AKR1C3: variants seen among roughly 807,000 people sequenced by gnomAD.
AKR1C3 encodes the protein 3-alpha hydroxysteroid dehydrogenase, type II.
AKR1C3 carries 48 observed loss-of-function variants against 43.6 expected under a neutral mutation model. The ratio of observed to expected loss-of-function variants is 1.10; its 90% CI spans 0.87 to 1.40. AKR1C3 has a LOEUF of 1.40. Ranked by LOEUF, AKR1C3 falls within the 40% of genes most tolerant of loss-of-function variation. The pLI is 0.00. For missense variants in AKR1C3, 482 were observed against 391.2 expected (o/e 1.23, Z -1.96); for synonymous variants, 162 against 139.6 (o/e 1.16, Z -1.13).
At chr10:5,097,411 C>T (rs782396026) in intron 2 of AKR1C3, 23 bp from the exon 3 acceptor site, 1 of 1,610,840 alleles carries the variant, frequency 6.2e-7, no homozygotes. Context: ...TTCAAAATCA[C>T]CTCCATTCTT....
intron 1 of AKR1C3, among the ~76,000 whole-genome samples, chr10:5,086,709 C>G (rs1254957694): frequency 6.6e-6 from 1 of 152,148 alleles, no homozygotes; most frequent in African/African-American, 2.4e-5. Context: ...GTGTGGGAAT[C>G]TAAGTCTCTT....
intron 1 of AKR1C3, among the ~76,000 whole-genome samples, chr10:5,083,305 C>T (rs1284506649): frequency 6.6e-6 from 1 of 152,058 alleles, no homozygotes; most frequent in Non-Finnish European, 1.5e-5. Flanking sequence ...TCAATTCCCA[C>T]CTATGAGTGA....
chr10:5,105,694 A>C lies in AKR1C3; in HGVS notation c.929+17A>C. The C allele has an allele frequency of 6.3e-7, 1 of 1,584,232 alleles. No individual in the cohort carries two copies. The highest frequency in any genetic ancestry group is 8.7e-7 in the Non-Finnish European group (1 of 1,154,114). On this transcript the variant is annotated intron_variant, in intron 8 of 8. Coordinates refer to ENST00000380554, the MANE Select transcript of AKR1C3 (RefSeq NM_003739.6). ...CAGTGATAGGTAAGTTTCCTTTGTA[A>C]ATGGGTGATCTAATTTATTTCTGGA...
intron 1 of AKR1C3, among the ~76,000 whole-genome samples, chr10:5,056,009 G>A (rs561819399): frequency 3.9e-5 from 6 of 152,288 alleles, no homozygotes; most frequent in Admixed American, 2.6e-4. Context: ...TTGACCTGCT[G>A]TAGCAAAGCT....
At chr10:5,051,734 G>A (rs1554778951) in intron 1 of AKR1C3, among the ~76,000 whole-genome samples, 3 of 151,940 alleles carry the variant, frequency 2.0e-5, no homozygotes, top group Non-Finnish European at 2.9e-5. Flanking sequence ...CACAGAGGAC[G>A]TCTTTATGCT....
intron 4 of AKR1C3, 150 bp from the exon 5 acceptor site, chr10:5,099,177 T>A (rs1257793297): frequency 5.1e-5 from 69 of 1,340,998 alleles, no homozygotes; most frequent in Non-Finnish European, 7.0e-5. Context: ...TTCCCCTATT[T>A]GCTGTTTGAA....
At chr10:5,106,229 C>G (rs1295113737) in intron 8 of AKR1C3, among the ~76,000 whole-genome samples, 1 of 152,120 alleles carries the variant, frequency 6.6e-6, no homozygotes, top group Non-Finnish European at 1.5e-5. Context: ...CTTTTGCCTC[C>G]AGAAAGCCTT....
intron 1 of AKR1C3, among the ~76,000 whole-genome samples, chr10:5,070,223 T>C (rs75396576): frequency 1.3e-5 from 2 of 152,308 alleles, no homozygotes; most frequent in East Asian, 3.9e-4. Context: ...AAATAAATCC[T>C]AATCTTTGGG....
intron 1 of AKR1C3, among the ~76,000 whole-genome samples, chr10:5,088,838 G>A (rs1333464886): frequency 6.6e-6 from 1 of 151,880 alleles, no homozygotes; most frequent in Non-Finnish European, 1.5e-5. Flanking sequence ...TTTTGTTTCT[G>A]TCATGGTCTT....
In AKR1C3 at chr10:5,102,701, C is replaced by T. The variant is rs36003741; in HGVS notation, c.846+51C>T. 5 of 1,450,014 alleles carry T rather than the reference C, an allele frequency of 3.4e-6. No homozygotes were observed. The South Asian group carries it at 4.4e-5, about 13-fold the overall frequency. 89.8% of individuals were successfully genotyped at this position (1,450,014 alleles called of 1,614,324 possible). A position where few individuals can be genotyped will look rare whatever the true frequency, so the allele number is the denominator to read the frequency against. On this transcript the variant is annotated intron_variant, in intron 7 of 8. Transcript: ENST00000380554. ...GGTCTCCTGCACAGTGTCCTTCACA[C>T]GTGTGCTTCTTGTAAGGCTCTCAGG...
In AKR1C3 at chr10:5,060,472, A is replaced by T. The variant is rs544714030; in HGVS notation, c.84+11577A>T. Among the ~76,000 whole-genome samples the T allele has an allele frequency of 2.0e-3, 312 of 152,306 alleles. 2 individuals carry two copies. The highest frequency in any genetic ancestry group is 6.6e-3 in the African/African-American group (276 of 41,566). ...TTAGATACAGAGTGTCGATTGGTGC[A>T]TTCACAAACCCTGAGTTAGACACAG... is the stretch of plus-strand genomic sequence containing the variant. On this transcript the variant is annotated intron_variant, in intron 1 of 8. Coordinates refer to the AKR1C3 transcript ENST00000439082.
At chr10:5,075,508 T>G (rs1252227092) in intron 1 of AKR1C3, among the ~76,000 whole-genome samples, 1 of 152,084 alleles carries the variant, frequency 6.6e-6, no homozygotes, top group Non-Finnish European at 1.5e-5. Flanking sequence ...CCATAAAGGA[T>G]TGATCTACTG....
intron 1 of AKR1C3, among the ~76,000 whole-genome samples, chr10:5,053,387 C>T (rs181979760): frequency 1.5e-3 from 229 of 152,348 alleles, no homozygotes; most frequent in Non-Finnish European, 2.1e-3. Context: ...GCTGGCCAGC[C>T]GCTCTGAGTG....
chr10:5,105,500 T>C, intron 7 of AKR1C3, 95 bp from the exon 8 acceptor site: 6 of 914,298 alleles, frequency 6.6e-6, no homozygotes, highest in Non-Finnish European at 1.0e-5. Flanking sequence ...AACTTACCAA[T>C]ATTTTAAGTA....
At chr10:5,055,327 A>C (rs1354766279) in intron 1 of AKR1C3, among the ~76,000 whole-genome samples, 2 of 152,220 alleles carry the variant, frequency 1.3e-5, no homozygotes, top group African/African-American at 4.8e-5. Context: ...TTGGTTCCCC[A>C]TCCTCTGGGA....
At chr10:5,093,054 C>G (rs1419172023), upstream of AKR1C3, among the ~76,000 whole-genome samples, 3 of 151,914 alleles carry the variant, frequency 2.0e-5, no homozygotes, top group Non-Finnish European at 2.9e-5. Context: ...CTGTGTGTGC[C>G]CATTAGTAGT....
At chr10:5,097,344 T>C (rs1839229937) in intron 2 of AKR1C3, 90 bp from the exon 3 acceptor site, 2 of 1,479,502 alleles carry the variant, frequency 1.4e-6, no homozygotes, top group Admixed American at 4.3e-5. Flanking sequence ...TTTGAAGCAG[T>C]AGGAAAATAT....
At chr10:5,064,592 C>G (rs1554780595) in intron 1 of AKR1C3, among the ~76,000 whole-genome samples, 1 of 152,154 alleles carries the variant, frequency 6.6e-6, no homozygotes, top group Non-Finnish European at 1.5e-5. Flanking sequence ...AATAAACAGA[C>G]AACCTAAAGA....
At chr10:5,104,086 G>T (rs761652616) in intron 7 of AKR1C3, among the ~76,000 whole-genome samples, 2 of 152,060 alleles carry the variant, frequency 1.3e-5, no homozygotes, top group Non-Finnish European at 2.9e-5. Flanking sequence ...TTTCTCTGTA[G>T]TTATGTATTC....
Sources: allele counts gnomAD v4.1 joint callset (sites outside exome capture counted in the v4.1 genomes callset), GRCh38; gene constraint gnomAD v4.1.1; transcripts MANE v1.5; gene names NCBI Gene and HGNC (gene_info 2026-07-23, HGNC 2026-07-21).